ZFHX3: variants seen among roughly 807,000 people sequenced by gnomAD.
ZFHX3 encodes zinc finger homeobox 3.
A neutral mutation model predicts 279.1 loss-of-function variants in ZFHX3; 42 were observed. That is an observed-to-expected ratio of 0.15 (90% CI 0.12 to 0.19). The LOEUF is 0.19. ZFHX3 is among the 10% of genes least tolerant of loss of function. ZFHX3 has a pLI of 1.00. For synonymous variants in ZFHX3, 2,293 were observed against 1,957.8 expected (o/e 1.17, Z -4.52); for missense variants, 4,981 against 4,754.0 (o/e 1.05, Z -1.40).
intron 4 of ZFHX3, among the ~76,000 whole-genome samples, chr16:73,269,613 C>A (rs932973899): frequency 6.6e-6 from 1 of 152,088 alleles, no homozygotes; most frequent in African/African-American, 2.4e-5. Context: ...TAACCTTCCA[C>A]GAATATTCAT....
At chr16:72,929,653 G>C (rs919024330) in intron 3 of ZFHX3, among the ~76,000 whole-genome samples, 6 of 152,182 alleles carry the variant, frequency 3.9e-5, no homozygotes, top group Admixed American at 6.5e-5. Context: ...CTGGGGCCAC[G>C]CGGGCTGCGA....
chr16:72,800,381 T>G (rs1482882602), intron 7 of ZFHX3, among the ~76,000 whole-genome samples: 1 of 152,194 alleles, frequency 6.6e-6, no homozygotes, highest in Non-Finnish European at 1.5e-5. Flanking sequence ...ATATTTTTCC[T>G]TTATGCAGAA....
chr16:73,505,059 A>G (rs2019302132), intron 2 of ZFHX3: 1 of 152,214 alleles, frequency 6.6e-6, no homozygotes, highest in Non-Finnish European at 1.5e-5. Flanking sequence ...AAAGCTTTCT[A>G]TGATTTGGGG....
intron 3 of ZFHX3, among the ~76,000 whole-genome samples, chr16:73,399,597 T>A (rs2143424885): frequency 6.6e-6 from 1 of 152,312 alleles, no homozygotes; most frequent in African/African-American, 2.4e-5. Context: ...AGTATTGACA[T>A]GCTACGGTGC....
At position 73,785,973 on chromosome 16, in the gene ZFHX3, C is replaced by T. The variant is rs113958362; in HGVS notation, c.-1608+105678G>A. On this transcript the variant is annotated intron_variant, in intron 1 of 17. Coordinates refer to the ZFHX3 transcript ENST00000641206. ...ACAACCTCCACCTCCCAGGTTCAAG[C>T]GATTCTCCCACCTCAACCTTCTGAG... Among the ~76,000 whole-genome samples the T allele has an allele frequency of 1.5e-3, 229 of 152,172 alleles. 1 individual carries two copies. The highest frequency in any genetic ancestry group is 4.7e-3 in the African/African-American group (197 of 41,516).
At chr16:73,602,063 C>T (rs946674538) in intron 2 of ZFHX3, among the ~76,000 whole-genome samples, 2 of 152,092 alleles carry the variant, frequency 1.3e-5, no homozygotes, top group Non-Finnish European at 2.9e-5. Flanking sequence ...ACCTGAGAAG[C>T]TGAGGCTTCA....
chr16:73,077,490 C>T (rs73596711), intron 8 of ZFHX3, among the ~76,000 whole-genome samples: 3,087 of 151,716 alleles, frequency 0.02, 100 homozygotes, highest in African/African-American at 0.071. Context: ...GTGACTCTCC[C>T]GTGATTTTAG....
intron 3 of ZFHX3, among the ~76,000 whole-genome samples, chr16:73,424,427 G>GCA (rs2017773310): frequency 6.6e-6 from 1 of 152,088 alleles, no homozygotes; most frequent in Non-Finnish European, 1.5e-5. Flanking sequence ...GGCTCACCTT[G>GCA]CACCTTCTGC....
intron 3 of ZFHX3, among the ~76,000 whole-genome samples, chr16:73,353,764 G>T (rs1258891633): frequency 6.6e-6 from 1 of 152,100 alleles, no homozygotes; most frequent in Non-Finnish European, 1.5e-5. Flanking sequence ...GGCAGGAGGA[G>T]AAAGGAAGAA....
At chr16:73,039,456 C>T (rs1461421793) in intron 1 of ZFHX3, among the ~76,000 whole-genome samples, 5 of 152,144 alleles carry the variant, frequency 3.3e-5, no homozygotes, top group Non-Finnish European at 7.3e-5. Flanking sequence ...TTCAGGTGTT[C>T]TTAACTGGAG....
At chr16:72,938,386 G>A (rs374164039) in intron 3 of ZFHX3, among the ~76,000 whole-genome samples, 12 of 152,364 alleles carry the variant, frequency 7.9e-5, no homozygotes, top group African/African-American at 2.2e-4. Context: ...TCCCCTCAGC[G>A]GAGCTGGGCT....
chr16:73,861,240 C>G (rs1305593746), intron 1 of ZFHX3, among the ~76,000 whole-genome samples: 2 of 152,100 alleles, frequency 1.3e-5, no homozygotes, highest in East Asian at 3.9e-4. Context: ...GCTGGGATCA[C>G]AGGCATGAGC....
intron 5 of ZFHX3, among the ~76,000 whole-genome samples, chr16:72,817,051 C>T (rs536783438): frequency 5.1e-4 from 77 of 152,274 alleles, no homozygotes; most frequent in Non-Finnish European, 8.7e-4. Context: ...GGTTTTATTA[C>T]GTTGTAAGCA....
At chr16:72,891,658 T>G (rs1205118962) in intron 3 of ZFHX3, among the ~76,000 whole-genome samples, 1 of 152,192 alleles carries the variant, frequency 6.6e-6, no homozygotes, top group Non-Finnish European at 1.5e-5. Context: ...GAGAGAGATG[T>G]AGAAGCTGAG....
chr16:73,751,344 G>T (rs2053760246), intron 1 of ZFHX3, among the ~76,000 whole-genome samples: 1 of 152,170 alleles, frequency 6.6e-6, no homozygotes, highest in South Asian at 2.1e-4. Flanking sequence ...AAATTAGGGA[G>T]CCATGAGTAG....
At chr16:73,191,985 G>A (rs1031783042) in intron 5 of ZFHX3, among the ~76,000 whole-genome samples, 2 of 152,232 alleles carry the variant, frequency 1.3e-5, no homozygotes, top group African/African-American at 2.4e-5. Context: ...GGCCTCCCCC[G>A]TTAGAAGTGC....
At chr16:73,030,912 A>G (rs1259435205) in intron 1 of ZFHX3, among the ~76,000 whole-genome samples, 2 of 152,276 alleles carry the variant, frequency 1.3e-5, no homozygotes, top group East Asian at 3.9e-4. Flanking sequence ...TGTCTTAGCA[A>G]GGAGCAATTC....
At chr16:73,761,652 C>T (rs1024885354) in intron 1 of ZFHX3, among the ~76,000 whole-genome samples, 1 of 152,054 alleles carries the variant, frequency 6.6e-6, no homozygotes, top group Non-Finnish European at 1.5e-5. Flanking sequence ...ACCAATGGAA[C>T]AGAATAAAGA....
chr16:73,191,902 A>G (rs1968046085), intron 5 of ZFHX3, among the ~76,000 whole-genome samples: 1 of 152,142 alleles, frequency 6.6e-6, no homozygotes, highest in African/African-American at 2.4e-5. Context: ...TAGTGGACAT[A>G]TGTTGGGAGC....
Sources: gnomAD v4.1 joint callset for allele counts (sites outside exome capture counted in the v4.1 genomes callset) on GRCh38, gnomAD v4.1.1 for gene constraint, MANE v1.5 for transcripts, NCBI Gene and HGNC (gene_info 2026-07-23, HGNC 2026-07-21) for gene names.